The following LRRC69 variants were observed in gnomAD, a reference collection of about 807,000 sequenced individuals.
LRRC69 encodes leucine-rich repeat-containing protein 69.
LRRC69 carries 42 observed loss-of-function variants against 37.8 expected under a neutral mutation model. The observed-to-expected ratio is 1.11, with a 90% CI of 0.87 to 1.44. LRRC69 has a LOEUF of 1.44. Among genes scored for constraint, LRRC69 ranks in the 40% most tolerant of loss-of-function variants. LRRC69 has a pLI of 0.00. For synonymous variants in LRRC69, 141 were observed against 143.1 expected (o/e 0.99, Z 0.11); for missense variants, 357 against 401.9 (o/e 0.89, Z 0.96).
At chr8:91,198,637 C>A (rs1809661141) in intron 6 of LRRC69, among the ~76,000 whole-genome samples, 1 of 152,058 alleles carries the variant, frequency 6.6e-6, no homozygotes, top group South Asian at 2.1e-4. Context: ...AATTAACTTA[C>A]AAATATTCTA....
At chr8:91,141,028 A>G (rs552029977) in intron 5 of LRRC69, among the ~76,000 whole-genome samples, 2 of 151,938 alleles carry the variant, frequency 1.3e-5, no homozygotes, top group East Asian at 1.9e-4. Flanking sequence ...TGACATTTTT[A>G]TTTATTGCTG....
intron 5 of LRRC69, chr8:91,158,391 A>T (rs1361300295): frequency 1.4e-6 from 2 of 1,403,462 alleles, no homozygotes; most frequent in Admixed American, 1.7e-5. Flanking sequence ...ACAAACTCTG[A>T]TCACCCCAAG....
At chr8:91,211,620 T>A (rs763949546) in intron 7 of LRRC69, among the ~76,000 whole-genome samples, 5,760 of 129,012 alleles carry the variant, frequency 0.045, 185 homozygotes, top group African/African-American at 0.1. Flanking sequence ...ATATATATTT[T>A]TTTTTTATTT....
intron 5 of LRRC69, among the ~76,000 whole-genome samples, chr8:91,180,124 G>C (rs1809299185): frequency 6.6e-6 from 1 of 152,132 alleles, no homozygotes; most frequent in Non-Finnish European, 1.5e-5. Context: ...CCAAAATTTA[G>C]CTGCTTAAAG....
intron 1 of LRRC69, 31 bp downstream of exon 1, chr8:91,102,875 G>A (rs1256125234): frequency 2.0e-6 from 3 of 1,507,006 alleles, no homozygotes; most frequent in Non-Finnish European, 2.7e-6. Context: ...GTTGTGGTTT[G>A]GTATTGAAGA....
intron 3 of LRRC69, chr8:91,130,299 A>T (rs922412873): frequency 6.6e-6 from 1 of 151,982 alleles, no homozygotes. Context: ...ATTGAGACAG[A>T]GTCTGGCCCT....
At chr8:91,169,852 C>T (rs1809096090) in intron 5 of LRRC69, among the ~76,000 whole-genome samples, 1 of 136,006 alleles carries the variant, frequency 7.4e-6, no homozygotes, top group Non-Finnish European at 1.6e-5. Flanking sequence ...AGGACATGAA[C>T]TCATCCTTTT....
chr8:91,120,598 G>T (rs942143469), intron 1 of LRRC69, among the ~76,000 whole-genome samples: 2 of 152,098 alleles, frequency 1.3e-5, no homozygotes, highest in African/African-American at 4.8e-5. Flanking sequence ...TGGAGCAGAG[G>T]CACAACCTTC....
At chr8:91,126,844 G>A (rs1476338168) in intron 2 of LRRC69, among the ~76,000 whole-genome samples, 1 of 151,988 alleles carries the variant, frequency 6.6e-6, no homozygotes, top group African/African-American at 2.4e-5. Flanking sequence ...TTTAGCTTCT[G>A]ATTCCAGTTT....
At chr8:91,138,862 C>G (rs946777079) in intron 5 of LRRC69, 1 of 151,784 alleles carries the variant, frequency 6.6e-6, no homozygotes, top group Middle Eastern at 3.4e-3. Flanking sequence ...CAAGATCAGC[C>G]TGGACAACAT....
chr8:91,192,674 C>G (rs1344368640), intron 6 of LRRC69, among the ~76,000 whole-genome samples: 1 of 152,090 alleles, frequency 6.6e-6, no homozygotes, highest in Non-Finnish European at 1.5e-5. Flanking sequence ...ATGTCCTTTG[C>G]CGAATTTTTG....
Position 91,166,510 on chromosome 8 carries a change from A to AAC in LRRC69, c.652-23011_652-23010insCA, listed in dbSNP as rs1554593672. On this transcript the variant is annotated intron_variant, in intron 5 of 7. Coordinates refer to ENST00000448384, the Ensembl canonical transcript of LRRC69. The stretch of plus-strand genomic sequence containing the variant: ...ATAAACTGAAAAAAAAAAAAAAAAA[A>AAC]AAAAAACCTATGAATACCTGAAAAT... Among the ~76,000 whole-genome samples the AAC allele has an allele frequency of 4.6e-3, 585 of 127,602 alleles. No individual in the cohort carries two copies. In the Middle Eastern group the frequency reaches 0.053, roughly 11 times the overall value. The allele number at this position is 127,602 out of a possible 152,430, so 83.7% of individuals were successfully genotyped here. A position where few individuals can be genotyped will look rare whatever the true frequency, so the allele number is the denominator to read the frequency against.
At chr8:91,158,547 T>G in intron 5 of LRRC69, 1 of 1,183,114 alleles carries the variant, frequency 8.5e-7, no homozygotes, top group South Asian at 1.2e-5. Context: ...CACTGTACAT[T>G]TTCACGGCCA....
At chr8:91,172,488 G>T (rs549033980) in intron 5 of LRRC69, among the ~76,000 whole-genome samples, 1 of 151,852 alleles carries the variant, frequency 6.6e-6, no homozygotes, top group East Asian at 1.9e-4. Context: ...TGTTTTATCA[G>T]CTCTATTTCC....
intron 5 of LRRC69, among the ~76,000 whole-genome samples, chr8:91,137,968 T>C (rs1808450399): frequency 6.6e-6 from 1 of 152,030 alleles, no homozygotes; most frequent in Non-Finnish European, 1.5e-5. Flanking sequence ...TTTGGAGTCA[T>C]ATACACATGG....
intron 1 of LRRC69, among the ~76,000 whole-genome samples, chr8:91,106,949 C>T (rs1813324918): frequency 6.6e-6 from 1 of 151,236 alleles, no homozygotes; most frequent in Non-Finnish European, 1.5e-5. Flanking sequence ...TGTGCCACTA[C>T]CCCTGGCTAA....
intron 5 of LRRC69, among the ~76,000 whole-genome samples, chr8:91,152,891 G>T (rs1808766048): frequency 6.6e-6 from 1 of 151,208 alleles, no homozygotes; most frequent in South Asian, 2.1e-4. Flanking sequence ...TACCTTAAAA[G>T]TAAATGGGCT....
intron 1 of LRRC69, among the ~76,000 whole-genome samples, chr8:91,103,160 C>T (rs1813250934): frequency 6.6e-6 from 1 of 152,136 alleles, no homozygotes; most frequent in Admixed American, 6.5e-5. Context: ...ATCTGGTCGT[C>T]TATCTTGGGG....
chr8:91,114,656 G>A (rs1813476409), intron 1 of LRRC69, among the ~76,000 whole-genome samples: 1 of 151,972 alleles, frequency 6.6e-6, no homozygotes, highest in Admixed American at 6.6e-5. Flanking sequence ...GTAACATGCT[G>A]TATTGCATAG....
Sources: gnomAD v4.1 joint callset for allele counts (sites outside exome capture counted in the v4.1 genomes callset) on GRCh38, gnomAD v4.1.1 for gene constraint, MANE v1.5 for transcripts, NCBI Gene and HGNC (gene_info 2026-07-23, HGNC 2026-07-21) for gene names.